TBX3: variants seen among roughly 807,000 people sequenced by gnomAD.
TBX3 encodes the protein T-box transcription factor TBX3.
TBX3 carries 11 observed loss-of-function variants against 47.8 expected under a neutral mutation model. That is an observed-to-expected ratio of 0.23 (90% CI 0.14 to 0.38). The LOEUF (loss-of-function observed/expected upper bound fraction) is 0.38. Among genes scored for constraint, TBX3 ranks in the 10% least tolerant of loss-of-function variants. TBX3 has a pLI of 1.00. For missense variants in TBX3, 927 were observed against 1,022.8 expected (o/e 0.91, Z 1.28); for synonymous variants, 500 against 449.3 (o/e 1.11, Z -1.43).
intron 2 of TBX3, chr12:114,680,602 GT>G (rs1868885914): frequency 3.7e-6 from 2 of 547,626 alleles, no homozygotes; most frequent in Non-Finnish European, 6.5e-6. Context: ...TTAAAAAATG[GT>G]TTTTAACTTC....
intron 1 of TBX3, among the ~76,000 whole-genome samples, chr12:114,682,257 G>T (rs1868963930): frequency 6.6e-6 from 1 of 152,178 alleles, no homozygotes; most frequent in East Asian, 1.9e-4. Context: ...ACAGACACGT[G>T]AAGTAGTGTG....
intron 3 of TBX3, among the ~76,000 whole-genome samples, chr12:114,678,020 T>TCACACACACACACACACACA (rs3068592): frequency 6.9e-6 from 1 of 144,164 alleles, no homozygotes; most frequent in Admixed American, 6.9e-5. Context: ...CATACTCCCT[T>TCACACACACACACACACACA]CACACACACA....
intron 1 of TBX3, among the ~76,000 whole-genome samples, chr12:114,682,164 TG>T (rs1868960973): frequency 1.3e-5 from 2 of 151,654 alleles, no homozygotes; most frequent in Non-Finnish European, 2.9e-5. Flanking sequence ...AAAAAAAAGG[TG>T]TGTGTCTCCT....
Position 114,671,665 on chromosome 12 carries a change from CAAG to C in TBX3, c.*173_*175del. ...CAGATCCCGGACATATAAACCACGCCAAGAAGACAGGGGCTGTCTCTAGCACAT... is the reference window on the plus strand; with the variant it reads ...CAGATCCCGGACATATAAACCACGCCAAGACAGGGGCTGTCTCTAGCACAT... On this transcript the variant is annotated 3_prime_UTR_variant, in exon 7 of 7. Transcript: ENST00000349155. The C allele has an allele frequency of 1.3e-6, 1 of 779,272 alleles. No individual in the cohort carries two copies. The allele number at this position is 779,272 out of a possible 1,614,324, so 48.3% of individuals were successfully genotyped here. A position where few individuals can be genotyped will look rare whatever the true frequency, so the allele number is the denominator to read the frequency against.
chr12:114,672,124 G>A lies in TBX3; in HGVS notation c.1889C>T (p.Pro630Leu), dbSNP rs1308949255. 3.2e-6 allele frequency: 5 copies of A among 1,570,518 alleles called. No individual in the cohort carries two copies. The highest frequency in any genetic ancestry group is 2.4e-5 in the East Asian group (1 of 42,454). Reference protein sequence around the residue: ...YSPYSIPVPVPDGSSLLTTAL... With the variant: ...YSPYSIPVPVLDGSSLLTTAL... ...GGTGGTGAGCAGACTGCTGCCGTCC[G>A]GGACCGGCACCGGGATGGAGTAGGG... Residue 630 changes from proline to leucine, a missense_variant, in exon 7 of 7, where the codon CCG (proline) becomes CTG (leucine). Physicochemically the swap from Pro to Leu is moderately conservative, Grantham distance 98. Around this residue, in one of 5 missense-constraint regions of TBX3, gnomAD observed 623 missense variants for 569.0 expected, o/e 1.09. Coordinates refer to ENST00000349155, the MANE Select transcript of TBX3 (RefSeq NM_005996.4).
rs1869058596 is a variant in TBX3, at chr12:114,683,710, C to A, written c.-510G>T. ...GCCCCCTATCTGTCTTCCTCTCCCT[C>A]TTTCTCGCTGGTGGCGTCTGCAGCT... On this transcript the variant is annotated 5_prime_UTR_variant, in exon 1 of 7. Transcript: ENST00000349155. The surrounding 1 kb of genome is among the most constrained non-coding windows in gnomAD (Gnocchi z 7.7). 1 of 231,696 alleles carries A rather than the reference C, an allele frequency of 4.3e-6. No individual in the cohort carries two copies. The highest frequency in any genetic ancestry group is 6.2e-5 in the East Asian group (1 of 16,242). 14.4% of individuals were successfully genotyped at this position (231,696 alleles called of 1,614,324 possible).
At chr12:114,680,108 A>G in intron 2 of TBX3, 1 of 863,292 alleles carries the variant, frequency 1.2e-6, no homozygotes, top group Non-Finnish European at 1.9e-6. Flanking sequence ...TGCCTTAATC[A>G]AATCAAGGGC....
chr12:114,682,730 C>G (rs1868991864), intron 1 of TBX3, 82 bp downstream of exon 1: 1 of 1,606,846 alleles, frequency 6.2e-7, no homozygotes, highest in Non-Finnish European at 8.5e-7. Flanking sequence ...AATAACCGAC[C>G]AACCGACTGT....
chr12:114,679,709 G>A (rs1323070981), intron 2 of TBX3, 58 bp from the exon 3 acceptor site: 1 of 1,611,746 alleles, frequency 6.2e-7, no homozygotes, highest in East Asian at 2.2e-5. Context: ...GAACAAACGG[G>A]ATCTTAGGAC....
At chr12:114,677,451 G>A (rs1868758128) in intron 4 of TBX3, 129 bp downstream of exon 4, 1 of 865,166 alleles carries the variant, frequency 1.2e-6, no homozygotes, top group African/African-American at 1.7e-5. Context: ...GCATGTAGCA[G>A]TGGGGAAAGT....
chr12:114,681,305 C>T (rs1445655021), intron 1 of TBX3, among the ~76,000 whole-genome samples, 159 bp from the exon 2 acceptor site: 1 of 152,176 alleles, frequency 6.6e-6, no homozygotes, highest in Admixed American at 6.5e-5. Context: ...GTTGCAAAAT[C>T]GTTTTCTTCC....
intron 1 of TBX3, among the ~76,000 whole-genome samples, chr12:114,681,791 C>T (rs1236033364): frequency 2.6e-5 from 4 of 152,150 alleles, no homozygotes; most frequent in South Asian, 2.1e-4. Context: ...AGTCCAAAAC[C>T]GCAAGACTGT....
chr12:114,680,564 T>C (rs1256500172), intron 2 of TBX3: 11 of 473,610 alleles, frequency 2.3e-5, no homozygotes, highest in Non-Finnish European at 4.2e-5. Context: ...CCTTTAGGAA[T>C]ACATAGCCTT....
In TBX3 at chr12:114,679,759, G is replaced by A. The variant is rs149952759; in HGVS notation, c.658-108C>T. The A allele has an allele frequency of 6.1e-3, 9,472 of 1,557,216 alleles. 43 individuals carry two copies. The highest frequency in any genetic ancestry group is 6.9e-3 in the Non-Finnish European group (7,795 of 1,130,230). ...AATCTTCCCCACCGCAGGGTACCAC[G>A]CTTGTACCGAGCCCACCTCCTTGGA... On this transcript the variant is annotated intron_variant, in intron 2 of 6. Coordinates refer to ENST00000349155, the MANE Select transcript of TBX3 (RefSeq NM_005996.4).
intron 4 of TBX3, 143 bp downstream of exon 4, chr12:114,677,437 G>T: frequency 1.3e-6 from 1 of 782,248 alleles, no homozygotes; most frequent in Non-Finnish European, 2.2e-6. Context: ...ACTGATAGCG[G>T]CAAGCATGTA....
At chr12:114,682,405 G>A (rs1453381301) in intron 1 of TBX3, among the ~76,000 whole-genome samples, 1 of 152,106 alleles carries the variant, frequency 6.6e-6, no homozygotes, top group East Asian at 1.9e-4. Flanking sequence ...CAAAAGGAAA[G>A]GGCTTTAAGT....
At position 114,679,577 on chromosome 12, in the gene TBX3, A is replaced by C; in HGVS notation, c.732T>G (p.Pro244=). The change falls in exon 3 of 7, where the codon CCT becomes CCG. Residue 244 remains proline, a synonymous_variant. Coordinates refer to ENST00000349155, the MANE Select transcript of TBX3 (RefSeq NM_005996.4). ...IVRANDILKL[P]YSTFRTYLFP... is the part of the protein sequence containing the mutation. ...ACAAGTATGTCCGAAATGTACTATA[A>C]GGGAGTTTCAAGATGTCATTGGCTC... 1 of 1,614,226 alleles carries C rather than the reference A, an allele frequency of 6.2e-7. No homozygotes were observed. Among genetic ancestry groups the C allele is most frequent in the South Asian group, 1.1e-5 (1 of 91,086 alleles).
rs1869090608 is a variant in TBX3 at position 114,684,092 on chromosome 12, G to GAGAGAGAC, written c.-893_-892insGTCTCTCT. 4.3e-6 allele frequency: 1 copy of GAGAGAGAC among 232,058 alleles called. No individual in the cohort carries two copies. Among genetic ancestry groups the GAGAGAGAC allele is most frequent in the Admixed American group, 5.6e-5 (1 of 17,724 alleles). 14.4% of individuals were successfully genotyped at this position (232,058 alleles called of 1,614,324 possible). A position where few individuals can be genotyped will look rare whatever the true frequency, so the allele number is the denominator to read the frequency against. On this transcript the variant is annotated 5_prime_UTR_variant, in exon 1 of 7. Transcript: ENST00000349155. ...GAGGGGAGAGAGAGAGAGAGAGAGA[G>GAGAGAGAC]AGACGGAGTCGGAGAGGGAGGGAGC... is the stretch of plus-strand genomic sequence containing the variant.
intron 5 of TBX3, among the ~76,000 whole-genome samples, chr12:114,675,098 A>T (rs1868649081): frequency 6.6e-6 from 1 of 152,230 alleles, no homozygotes; most frequent in African/African-American, 2.4e-5. Context: ...TTAGATGGAC[A>T]ATCCCCTAAT....
Sources: gnomAD v4.1 joint callset for allele counts (sites outside exome capture counted in the v4.1 genomes callset) on GRCh38, gnomAD v4.1.1 for gene constraint, gnomAD v4.1.1 regional missense constraint, Gnocchi (gnomAD v3.1) non-coding constraint, MANE v1.5 for transcripts, NCBI Gene and HGNC (gene_info 2026-07-23, HGNC 2026-07-21) for gene names.